The following MAGI1 variants were observed in gnomAD, a reference collection of about 807,000 sequenced individuals.
The protein encoded by MAGI1 is membrane associated guanylate kinase, WW and PDZ domain containing 1, also known as membrane-associated guanylate kinase, WW and PDZ domain-containing protein 1.
A neutral mutation model predicts 139.9 loss-of-function variants in MAGI1; 58 were observed. The ratio of observed to expected loss-of-function variants is 0.41; its 90% CI spans 0.34 to 0.52. MAGI1 has a LOEUF of 0.52. MAGI1 is among the 20% of genes least tolerant of loss of function. The pLI, the probability that MAGI1 is intolerant of heterozygous loss-of-function variation, is 0.12. For missense variants in MAGI1, 1,874 were observed against 1,901.6 expected (o/e 0.99, Z 0.27); for synonymous variants, 812 against 737.9 (o/e 1.10, Z -1.63).
intron 2 of MAGI1, among the ~76,000 whole-genome samples, chr3:65,538,592 G>A (rs770155334): frequency 7.5e-4 from 114 of 152,140 alleles, no homozygotes; most frequent in Non-Finnish European, 1.0e-3. Context: ...CAATATGAAG[G>A]ATATCAAAAG....
chr3:65,900,017 G>A (rs2061153562), intron 1 of MAGI1, among the ~76,000 whole-genome samples: 1 of 151,982 alleles, frequency 6.6e-6, no homozygotes, highest in African/African-American at 2.4e-5. Context: ...ATCAAAGGGA[G>A]TAATCAAAGT....
At chr3:65,857,869 A>G (rs2059421471) in intron 1 of MAGI1, among the ~76,000 whole-genome samples, 1 of 152,178 alleles carries the variant, frequency 6.6e-6, no homozygotes, top group South Asian at 2.1e-4. Context: ...GTAGGAAGGC[A>G]AGAAGGGGGG....
At chr3:65,752,064 C>A (rs1203778551) in intron 1 of MAGI1, among the ~76,000 whole-genome samples, 1 of 152,156 alleles carries the variant, frequency 6.6e-6, no homozygotes, top group Non-Finnish European at 1.5e-5. Context: ...CGCCTCAGCC[C>A]CTCCAAGTAG....
intron 1 of MAGI1, among the ~76,000 whole-genome samples, chr3:65,993,479 T>C (rs1299056654): frequency 6.6e-6 from 1 of 152,176 alleles, no homozygotes; most frequent in Non-Finnish European, 1.5e-5. Context: ...AGAAACACAC[T>C]TCACACATTA....
chr3:65,845,137 G>C (rs1472727854), intron 1 of MAGI1, among the ~76,000 whole-genome samples: 1 of 151,814 alleles, frequency 6.6e-6, no homozygotes, highest in Middle Eastern at 3.2e-3. Context: ...TGTAGTCCCA[G>C]CTATTCAGGA....
chr3:65,805,342 C>A (rs2108157751), intron 1 of MAGI1, among the ~76,000 whole-genome samples: 1 of 152,284 alleles, frequency 6.6e-6, no homozygotes, highest in Middle Eastern at 3.4e-3. Context: ...AAAAAAAGCT[C>A]AACATCACTG....
At chr3:65,686,688 T>C (rs1226814982) in intron 1 of MAGI1, among the ~76,000 whole-genome samples, 2 of 152,192 alleles carry the variant, frequency 1.3e-5, no homozygotes, top group Non-Finnish European at 2.9e-5. Flanking sequence ...TAATGAATTA[T>C]GCTATGGCAT....
chr3:65,572,405 AT>A (rs1162593767), intron 2 of MAGI1, among the ~76,000 whole-genome samples: 1 of 152,188 alleles, frequency 6.6e-6, no homozygotes, highest in African/African-American at 2.4e-5. Context: ...AAGCCAGCCA[AT>A]GTTTCCAGAG....
rs1940239899 is a variant in MAGI1, at chr3:65,357,054, T to A, written c.3713A>T (p.Gln1238Leu). 1 of 1,614,194 alleles carries A rather than the reference T, an allele frequency of 6.2e-7. No homozygotes were observed. Among genetic ancestry groups the A allele is most frequent in the Non-Finnish European group, 8.5e-7 (1 of 1,180,022 alleles). Residue 1238 changes from glutamine to leucine, a missense_variant, in exon 23 of 23, where the codon CAG becomes CTG. By Grantham distance (113) the Gln-to-Leu change is moderately radical (BLOSUM62 -2). Coordinates refer to ENST00000402939, the MANE Select transcript of MAGI1 (RefSeq NM_001033057.2). The part of the protein sequence containing the change: ...PEVRAGPDRR[Q>L]HPSLESSYPP... ...GTAACTGGACTCCAATGACGGATGC[T>A]GCCGGCGGTCGGGCCCGGCCCTCAC...
chr3:65,922,611 C>T (rs557967559), intron 1 of MAGI1, among the ~76,000 whole-genome samples: 9 of 152,322 alleles, frequency 5.9e-5, no homozygotes, highest in Admixed American at 5.9e-4. Flanking sequence ...AGACTTCTAG[C>T]TTCCAAAACT....
chr3:65,693,393 G>A (rs2088851759), intron 1 of MAGI1, among the ~76,000 whole-genome samples: 1 of 152,118 alleles, frequency 6.6e-6, no homozygotes, highest in Non-Finnish European at 1.5e-5. Context: ...CAAGGACTTG[G>A]ACCCTTGTCC....
intron 1 of MAGI1, among the ~76,000 whole-genome samples, chr3:65,882,881 G>C (rs1233556667): frequency 6.7e-6 from 1 of 148,668 alleles, no homozygotes; most frequent in Non-Finnish European, 1.5e-5. Context: ...GCTGCAGTGA[G>C]CCATGATCAC....
intron 1 of MAGI1, among the ~76,000 whole-genome samples, chr3:65,928,657 A>AT (rs1421537329): frequency 6.6e-6 from 1 of 152,198 alleles, no homozygotes; most frequent in Non-Finnish European, 1.5e-5. Context: ...GTCAAACTAC[A>AT]TTAAGTCTAA....
At chr3:65,622,845 G>T (rs756087398) in intron 1 of MAGI1, among the ~76,000 whole-genome samples, 4 of 152,130 alleles carry the variant, frequency 2.6e-5, no homozygotes, top group South Asian at 2.1e-4. Flanking sequence ...GGGATTACAG[G>T]TGTGAGCCAC....
At chr3:65,776,910 GAACA>G (rs1307703079) in intron 1 of MAGI1, among the ~76,000 whole-genome samples, 2 of 152,278 alleles carry the variant, frequency 1.3e-5, no homozygotes, top group East Asian at 3.9e-4. Context: ...TGTCTGCACT[GAACA>G]GGGCTCCCTA....
At chr3:65,747,348 C>A (rs1406982106) in intron 1 of MAGI1, among the ~76,000 whole-genome samples, 1 of 152,176 alleles carries the variant, frequency 6.6e-6, no homozygotes, top group Non-Finnish European at 1.5e-5. Context: ...GGCCTGAAGG[C>A]AGAAGCAGCA....
intron 1 of MAGI1, among the ~76,000 whole-genome samples, chr3:65,975,531 G>T (rs1301798542): frequency 6.6e-6 from 1 of 151,972 alleles, no homozygotes; most frequent in South Asian, 2.1e-4. Context: ...GGAGGTGGGC[G>T]GATCGTTCGA....
intron 1 of MAGI1, among the ~76,000 whole-genome samples, chr3:65,989,894 G>C (rs535304325): frequency 6.6e-6 from 1 of 152,124 alleles, no homozygotes; most frequent in Non-Finnish European, 1.5e-5. Context: ...TGAATATTTG[G>C]GGAAAGTTAG....
At chr3:65,996,728 C>T (rs550889624) in intron 1 of MAGI1, among the ~76,000 whole-genome samples, 1 of 152,356 alleles carries the variant, frequency 6.6e-6, no homozygotes, top group South Asian at 2.1e-4. Flanking sequence ...GCAATAGACA[C>T]TCCAGCTTGT....
Sources: allele counts gnomAD v4.1 joint callset (sites outside exome capture counted in the v4.1 genomes callset), GRCh38; gene constraint gnomAD v4.1.1; transcripts MANE v1.5; gene names NCBI Gene and HGNC (gene_info 2026-07-23, HGNC 2026-07-21).